RNF17: variants seen among roughly 807,000 people sequenced by gnomAD.
RNF17 encodes the protein ring finger protein 17, also known as spermatogenesis associated 23.
RNF17 carries 31 observed loss-of-function variants against 200.5 expected under a neutral mutation model. That is an observed-to-expected ratio of 0.15 (90% CI 0.12 to 0.21). The LOEUF (loss-of-function observed/expected upper bound fraction) is 0.21, where lower values mean the gene tolerates loss of function less well. Among genes scored for constraint, RNF17 ranks in the 10% least tolerant of loss-of-function variants. The pLI is 1.00. For synonymous variants in RNF17, 606 were observed against 637.8 expected, an observed-to-expected ratio of 0.95 and a Z score of 0.75; for missense variants, 1,628 against 1,905.1, an observed-to-expected ratio of 0.85 and a Z score of 2.71.
At chr13:24,881,919 TATATAG>T (rs796331027), downstream of RNF17, among the ~76,000 whole-genome samples, 47 of 89,906 alleles carry the variant, frequency 5.2e-4, 1 homozygote, top group Non-Finnish European at 7.4e-4. Flanking sequence ...TAGATACATC[TATATAG>T]ATATATAGAT....
chr13:24,836,841 A>T (rs930991638), intron 18 of RNF17, among the ~76,000 whole-genome samples: 17 of 152,170 alleles, frequency 1.1e-4, no homozygotes, highest in Admixed American at 2.0e-4. Context: ...CACAGGCAAC[A>T]AAGAGCACCA....
chr13:24,885,102 A>G, the RNF17 span, among the ~76,000 whole-genome samples: 1 of 152,234 alleles, frequency 6.6e-6, no homozygotes, highest in African/African-American at 2.4e-5. Flanking sequence ...GCTTTGGAGT[A>G]AGAACAAAGA....
chr13:24,777,976 C>T (rs1055950664), intron 3 of RNF17, among the ~76,000 whole-genome samples: 3 of 151,920 alleles, frequency 2.0e-5, no homozygotes, highest in African/African-American at 4.8e-5. Context: ...AAATAATGTA[C>T]GTGGGCCAGG....
chr13:24,850,203 C>A, intron 22 of RNF17, 138 bp from the exon 23 acceptor site: 11 of 457,516 alleles, frequency 2.4e-5, no homozygotes, highest in South Asian at 1.7e-4. Flanking sequence ...AATACGAATC[C>A]ATGTTTAAAT....
At chr13:24,879,060 A>G (rs1895160143) in intron 34 of RNF17, 127 bp from the exon 35 acceptor site, 2 of 635,534 alleles carry the variant, frequency 3.1e-6, no homozygotes, top group Non-Finnish European at 5.5e-6. Context: ...TTTTGGAAGC[A>G]TAGAGCATAA....
downstream of RNF17, chr13:24,883,464 A>G: frequency 1.1e-6 from 1 of 944,160 alleles, no homozygotes; most frequent in East Asian, 2.6e-5. Flanking sequence ...TGAGTCTGGC[A>G]GCTACTTCTG....
At chr13:24,873,065 AT>A (rs1894467456) in intron 32 of RNF17, among the ~76,000 whole-genome samples, 1 of 152,192 alleles carries the variant, frequency 6.6e-6, no homozygotes, top group Non-Finnish European at 1.5e-5. Flanking sequence ...GAGCAATGTA[AT>A]TGAATTTTTA....
the RNF17 span, among the ~76,000 whole-genome samples, chr13:24,749,282 A>C: frequency 7.1e-6 from 1 of 140,314 alleles, no homozygotes; most frequent in African/African-American, 2.6e-5. Flanking sequence ...CAAACATTAG[A>C]ACTTTCTTTT....
At chr13:24,777,266 A>G (rs571765334) in intron 3 of RNF17, among the ~76,000 whole-genome samples, 38 of 152,238 alleles carry the variant, frequency 2.5e-4, no homozygotes, top group Non-Finnish European at 4.7e-4. Flanking sequence ...TATTTGGTGT[A>G]GTATTTTTTC....
At chr13:24,864,182 G>A (rs1042510595) in intron 28 of RNF17, among the ~76,000 whole-genome samples, 1 of 152,200 alleles carries the variant, frequency 6.6e-6, no homozygotes, top group Non-Finnish European at 1.5e-5. Flanking sequence ...CAGACCACAC[G>A]GGTGCAGGGA....
chr13:24,885,868 T>C, the RNF17 span: 1 of 578,064 alleles, frequency 1.7e-6, no homozygotes, highest in Admixed American at 3.0e-5. Flanking sequence ...AGAAAGACAG[T>C]ATCTTGTCTC....
chr13:24,787,892 TC>T, intron 6 of RNF17, 95 bp from the exon 7 acceptor site: 1 of 901,242 alleles, frequency 1.1e-6, no homozygotes, highest in African/African-American at 1.7e-5. Flanking sequence ...GTAAAATTCA[TC>T]AACTACTGAA....
chr13:24,778,272 A>G (rs571839281), intron 3 of RNF17, 23 bp from the exon 4 acceptor site: 1 of 1,474,232 alleles, frequency 6.8e-7, no homozygotes, highest in Non-Finnish European at 9.5e-7. Context: ...AAAAAATAAA[A>G]TAATATACTT....
intron 27 of RNF17, 57 bp downstream of exon 27, chr13:24,861,444 A>AT: frequency 1.7e-6 from 2 of 1,173,632 alleles, no homozygotes; most frequent in South Asian, 1.9e-5. Flanking sequence ...TTTATTAATA[A>AT]TTTTTTAGAA....
At chr13:24,798,479 A>G (rs1429877630) in intron 11 of RNF17, among the ~76,000 whole-genome samples, 1 of 152,172 alleles carries the variant, frequency 6.6e-6, no homozygotes, top group Admixed American at 6.5e-5. Flanking sequence ...ATTAGCATAT[A>G]CAGAGGAGAT....
At chr13:24,764,989 T>C (rs1593192855) in intron 1 of RNF17, among the ~76,000 whole-genome samples, 2 of 152,012 alleles carry the variant, frequency 1.3e-5, no homozygotes, top group East Asian at 3.9e-4. Flanking sequence ...TACAATCTAC[T>C]CAAGTGATCA....
chr13:24,759,522 A>C (rs1878509143), upstream of RNF17, among the ~76,000 whole-genome samples: 1 of 152,214 alleles, frequency 6.6e-6, no homozygotes, highest in Non-Finnish European at 1.5e-5. Flanking sequence ...GGTCAAAATA[A>C]GGGTGAGGGA....
intron 2 of RNF17, among the ~76,000 whole-genome samples, chr13:24,769,659 A>ATG: frequency 6.6e-6 from 1 of 152,320 alleles, no homozygotes; most frequent in Non-Finnish European, 1.5e-5. Context: ...TATTTGAGGA[A>ATG]TGTAGTTTAT....
chr13:24,887,438 CTGTCAGATCAGCAG>C, the RNF17 span, among the ~76,000 whole-genome samples: 2 of 152,176 alleles, frequency 1.3e-5, no homozygotes. Context: ...GCTCCACCTC[CTGTCAGATCAGCAG>C]TGGCATTAGA....
Sources: allele counts gnomAD v4.1 joint callset (sites outside exome capture counted in the v4.1 genomes callset), GRCh38; gene constraint gnomAD v4.1.1; transcripts MANE v1.5; gene names NCBI Gene and HGNC (gene_info 2026-07-23, HGNC 2026-07-21).